The following ASB7 variants were observed in gnomAD, a reference collection of about 807,000 sequenced individuals.
The protein encoded by ASB7 is ankyrin repeat and SOCS box protein 7.
ASB7 carries 4 observed loss-of-function variants against 32.5 expected under a neutral mutation model. That is an observed-to-expected ratio of 0.12 (90% CI 0.06 to 0.28). The LOEUF is 0.28. ASB7 is among the 10% of genes least tolerant of loss of function. The pLI is 1.00. For synonymous variants in ASB7, 172 were observed against 155.6 expected (o/e 1.11, Z -0.78); for missense variants, 181 against 407.1 (o/e 0.44, Z 4.78).
chr15:100,630,716 G>A (rs7168464), intron 5 of ASB7, among the ~76,000 whole-genome samples: 100,940 of 151,982 alleles, frequency 0.66, 33,893 homozygotes, highest in East Asian at 0.82. Context: ...CCCACTTTGT[G>A]TAGTAACGCG....
At chr15:100,621,710 A>G (rs2039793582) in intron 4 of ASB7, among the ~76,000 whole-genome samples, 1 of 152,192 alleles carries the variant, frequency 6.6e-6, no homozygotes, top group Non-Finnish European at 1.5e-5. Context: ...CAGTAATCCC[A>G]AAGTAAAAAC....
chr15:100,640,429 G>A (rs758363507), intron 5 of ASB7, among the ~76,000 whole-genome samples: 2 of 152,174 alleles, frequency 1.3e-5, no homozygotes, highest in Admixed American at 6.5e-5. Flanking sequence ...ATAGGCGGGA[G>A]CCACCATGCC....
intron 2 of ASB7, 115 bp from the exon 3 acceptor site, chr15:100,609,592 A>G (rs1335959931): frequency 1.3e-5 from 2 of 152,246 alleles, no homozygotes; most frequent in Non-Finnish European, 2.9e-5. Context: ...TCTCTGCTCT[A>G]TAGATTTATT....
intron 5 of ASB7, among the ~76,000 whole-genome samples, chr15:100,634,747 T>C (rs2039909863): frequency 6.6e-6 from 1 of 152,136 alleles, no homozygotes; most frequent in African/African-American, 2.4e-5. Flanking sequence ...GCAGTTACAG[T>C]GAGCCGAGAT....
chr15:100,605,083 C>T (rs567555379), intron 2 of ASB7, among the ~76,000 whole-genome samples: 138 of 152,310 alleles, frequency 9.1e-4, no homozygotes, highest in Non-Finnish European at 1.4e-3. Context: ...TACTCTGGCT[C>T]TCAGCCAGTT....
At chr15:100,642,236 T>A (rs778091166) in intron 5 of ASB7, among the ~76,000 whole-genome samples, 4 of 152,352 alleles carry the variant, frequency 2.6e-5, no homozygotes, top group Middle Eastern at 6.8e-3. Flanking sequence ...GTGAGGATGG[T>A]AGCATTTCTG....
At chr15:100,603,635 T>G (rs1379239841) in intron 2 of ASB7, among the ~76,000 whole-genome samples, 1 of 152,162 alleles carries the variant, frequency 6.6e-6, no homozygotes, top group Non-Finnish European at 1.5e-5. Flanking sequence ...TTCCTTACTC[T>G]CATAGGAATT....
At chr15:100,606,100 C>G (rs1052070353) in intron 2 of ASB7, among the ~76,000 whole-genome samples, 5 of 152,146 alleles carry the variant, frequency 3.3e-5, no homozygotes, top group African/African-American at 7.2e-5. Flanking sequence ...GAACAGGCAT[C>G]TCAGCCATGT....
chr15:100,632,337 GT>G (rs1177952817), intron 5 of ASB7, among the ~76,000 whole-genome samples: 1 of 152,198 alleles, frequency 6.6e-6, no homozygotes, highest in Non-Finnish European at 1.5e-5. Flanking sequence ...GGCTCCAGTT[GT>G]CCTTTGTCTT....
At chr15:100,642,729 C>T (rs1292729026) in intron 5 of ASB7, among the ~76,000 whole-genome samples, 2 of 152,254 alleles carry the variant, frequency 1.3e-5, no homozygotes, top group African/African-American at 4.8e-5. Context: ...TGGGGCCTCT[C>T]TGCTTTGAAA....
At chr15:100,641,856 G>T (rs984641783) in intron 5 of ASB7, among the ~76,000 whole-genome samples, 6 of 152,174 alleles carry the variant, frequency 3.9e-5, no homozygotes, top group African/African-American at 1.4e-4. Context: ...AAATTAACTT[G>T]TTTAATGCTT....
At position 100,612,300 on chromosome 15, in the gene ASB7, C is replaced by T. The variant is rs1264132772; in HGVS notation, c.84C>T (p.His28=). The change falls in exon 4 of 6, where the codon CAC becomes CAT. Residue 28 remains histidine, a synonymous_variant. Transcript: ENST00000332783. ...IQAAVAAGDV[H]TVRKMLEQGY... ...CCGCGGTGGCTGCTGGGGATGTCCACACAGTGCGAAAGATGCTAGAACAAG... is the reference window on the plus strand; with the variant it reads ...CCGCGGTGGCTGCTGGGGATGTCCATACAGTGCGAAAGATGCTAGAACAAG... 1 of 1,613,938 alleles carries T rather than the reference C, an allele frequency of 6.2e-7. No homozygotes were observed. The highest frequency in any genetic ancestry group is 1.3e-5 in the African/African-American group (1 of 74,908).
intron 2 of ASB7, among the ~76,000 whole-genome samples, chr15:100,604,966 A>G (rs1227694070): frequency 6.6e-6 from 1 of 152,230 alleles, no homozygotes; most frequent in Non-Finnish European, 1.5e-5. Context: ...TCAGCTTTAC[A>G]TGTAACTCTA....
intron 2 of ASB7, among the ~76,000 whole-genome samples, chr15:100,606,624 A>G (rs1380474679): frequency 1.3e-5 from 2 of 152,244 alleles, no homozygotes; most frequent in African/African-American, 4.8e-5. Flanking sequence ...TGGAAATTAG[A>G]TGGTAATGTA....
intron 4 of ASB7, among the ~76,000 whole-genome samples, chr15:100,612,977 T>C (rs1469595791): frequency 6.6e-6 from 1 of 152,254 alleles, no homozygotes; most frequent in Non-Finnish European, 1.5e-5. Context: ...TGTATAAATA[T>C]GTGCAATTGG....
At chr15:100,636,486 G>C (rs1210177635) in intron 5 of ASB7, among the ~76,000 whole-genome samples, 1 of 152,178 alleles carries the variant, frequency 6.6e-6, no homozygotes, top group Non-Finnish European at 1.5e-5. Context: ...TCCCCCAACT[G>C]TGCCTGTGTC....
intron 5 of ASB7, among the ~76,000 whole-genome samples, chr15:100,634,591 G>A (rs1280665731): frequency 1.3e-5 from 2 of 152,158 alleles, no homozygotes; most frequent in Non-Finnish European, 2.9e-5. Flanking sequence ...ATCACTTGAG[G>A]CCGGGAGTTA....
At chr15:100,623,543 A>G (rs772366055) in intron 4 of ASB7, among the ~76,000 whole-genome samples, 2 of 152,362 alleles carry the variant, frequency 1.3e-5, no homozygotes, top group South Asian at 4.1e-4. Context: ...GAGATATCTT[A>G]TCCCAGTTGT....
intron 4 of ASB7, among the ~76,000 whole-genome samples, chr15:100,618,988 T>A (rs1451862107): frequency 1.3e-5 from 2 of 152,146 alleles, no homozygotes; most frequent in African/African-American, 2.4e-5. Flanking sequence ...TCATAAGCAG[T>A]GGAGCTGGGA....
Sources: gnomAD v4.1 joint callset for allele counts (sites outside exome capture counted in the v4.1 genomes callset) on GRCh38, gnomAD v4.1.1 for gene constraint, MANE v1.5 for transcripts, NCBI Gene and HGNC (gene_info 2026-07-23, HGNC 2026-07-21) for gene names.